RNASEH2B: variants seen among roughly 807,000 people sequenced by gnomAD.
The protein encoded by RNASEH2B is Aicardi-Goutieres syndrome 2 protein.
A neutral mutation model predicts 45.0 loss-of-function variants in RNASEH2B; 36 were observed. The ratio of observed to expected loss-of-function variants is 0.80; its 90% confidence interval spans 0.61 to 1.06. RNASEH2B has a LOEUF of 1.06. Ranked by LOEUF, RNASEH2B falls within the 50% of genes least tolerant of loss-of-function variation. RNASEH2B has a pLI of 0.00. For missense variants in RNASEH2B, 361 were observed against 360.3 expected, an observed-to-expected ratio of 1.00 and a Z score of -0.02; for synonymous variants, 119 against 125.7, an observed-to-expected ratio of 0.95 and a Z score of 0.35.
intron 6 of RNASEH2B, among the ~76,000 whole-genome samples, chr13:50,944,773 T>C (rs1036115987): frequency 2.0e-5 from 3 of 152,130 alleles, no homozygotes; most frequent in Admixed American, 6.5e-5. Flanking sequence ...TAGAGTGCCA[T>C]GTTTCATTTT....
rs1951707494 is a variant in RNASEH2B, at chr13:50,933,456, A to G, written c.322-1429A>G. Among the ~76,000 whole-genome samples, 2 of 152,232 alleles carry G rather than the reference A, an allele frequency of 1.3e-5. 1 individual carries two copies. Among genetic ancestry groups the G allele is most frequent in the South Asian group, 4.1e-4 (2 of 4,830 alleles). ...AGTGCCAAAAATGCCCTTTAAAGTAACATTTGAGATGTTTAGGTATTTCCT... is the reference window on the plus strand; with the variant it reads ...AGTGCCAAAAATGCCCTTTAAAGTAGCATTTGAGATGTTTAGGTATTTCCT... On this transcript the variant is annotated intron_variant, in intron 4 of 10. Coordinates refer to ENST00000336617, the MANE Select transcript of RNASEH2B (RefSeq NM_024570.4).
chr13:50,930,077 G>C (rs1157955767), intron 3 of RNASEH2B: 1 of 215,252 alleles, frequency 4.6e-6, no homozygotes. Context: ...TCTGTTTCTT[G>C]TGGTGTTCCC....
chr13:50,965,086 C>G (rs1952151852), intron 9 of RNASEH2B, among the ~76,000 whole-genome samples: 1 of 152,158 alleles, frequency 6.6e-6, no homozygotes, highest in Non-Finnish European at 1.5e-5. Flanking sequence ...GATGGTGGTC[C>G]CATGAGACTA....
chr13:50,916,488 A>G (rs1279099862), intron 1 of RNASEH2B, among the ~76,000 whole-genome samples: 1 of 152,216 alleles, frequency 6.6e-6, no homozygotes, highest in Non-Finnish European at 1.5e-5. Context: ...AAGAGGTGTA[A>G]TACTTATTGC....
chr13:50,931,564 G>C (rs2137941085), intron 4 of RNASEH2B, among the ~76,000 whole-genome samples: 1 of 152,218 alleles, frequency 6.6e-6, no homozygotes, highest in East Asian at 1.9e-4. Flanking sequence ...TTAACTAGAA[G>C]ACAACTGGAT....
At chr13:50,930,868 C>A in intron 4 of RNASEH2B, 109 bp downstream of exon 4, 1 of 862,278 alleles carries the variant, frequency 1.2e-6, no homozygotes, top group South Asian at 1.3e-5. Context: ...ACCTTCAGAT[C>A]TATTATAGTG....
At chr13:50,917,393 T>C (rs761639402) in intron 1 of RNASEH2B, among the ~76,000 whole-genome samples, 2 of 152,188 alleles carry the variant, frequency 1.3e-5, no homozygotes, top group African/African-American at 4.8e-5. Context: ...GGCTTGTATA[T>C]AGGTATAGCA....
In RNASEH2B at chr13:50,929,474, G is replaced by A; in HGVS notation, c.137-1G>A. On this transcript the variant is annotated splice_acceptor_variant, in intron 2 of 10. Transcript: ENST00000336617. LOFTEE classifies it high-confidence loss of function. ...AATAAAAGACAGATTTGTCTTAACA[G>A]GAGAAGGAGCCATTTACTTGTTCAA... 1 of 1,605,412 alleles carries A rather than the reference G, an allele frequency of 6.2e-7. No homozygotes were observed. The highest frequency in any genetic ancestry group is 8.5e-7 in the Non-Finnish European group (1 of 1,172,226).
chr13:50,966,644 C>G (rs1952167471), intron 9 of RNASEH2B, among the ~76,000 whole-genome samples: 1 of 152,148 alleles, frequency 6.6e-6, no homozygotes, highest in Admixed American at 6.5e-5. Context: ...CGGTTCTGCA[C>G]TGCCAAAGAG....
chr13:50,949,590 T>G, intron 9 of RNASEH2B, 85 bp downstream of exon 9: 1 of 1,248,724 alleles, frequency 8.0e-7, no homozygotes. Flanking sequence ...TTCTAATATA[T>G]TTTAAGGTGT....
At chr13:50,946,553 G>A (rs1187745255) in intron 7 of RNASEH2B, among the ~76,000 whole-genome samples, 1 of 152,074 alleles carries the variant, frequency 6.6e-6, no homozygotes, top group Non-Finnish European at 1.5e-5. Context: ...ATAGATAGGT[G>A]GGTGGATAGA....
chr13:50,941,067 ATCAT>A (rs1951827570), intron 5 of RNASEH2B: 2 of 152,244 alleles, frequency 1.3e-5, no homozygotes, highest in African/African-American at 4.8e-5. Flanking sequence ...ATTCATTCTG[ATCAT>A]TCAATAAGAA....
intron 1 of RNASEH2B, among the ~76,000 whole-genome samples, chr13:50,919,898 T>C (rs1197552335): frequency 2.0e-5 from 3 of 152,242 alleles, no homozygotes; most frequent in Admixed American, 6.5e-5. Flanking sequence ...TTAGCTGTTA[T>C]TTTTGATTTT....
At chr13:50,912,839 G>T (rs1340367976) in intron 1 of RNASEH2B, 1 of 152,190 alleles carries the variant, frequency 6.6e-6, no homozygotes, top group Admixed American at 6.5e-5. Context: ...ACTTTAAAGG[G>T]ATTTATCCGT....
At position 50,945,403 on chromosome 13, in the gene RNASEH2B, TTTCC is replaced by T. The variant is rs776365023; in HGVS notation, c.511-23_511-20del. 3 of 1,518,442 alleles carry T rather than the reference TTTCC, an allele frequency of 2.0e-6. No homozygotes were observed. Among genetic ancestry groups the T allele is most frequent in the Admixed American group, 3.3e-5 (2 of 59,894 alleles). The allele number at this position is 1,518,442 out of a possible 1,614,324, so 94.1% of individuals were successfully genotyped here. A position where few individuals can be genotyped will look rare whatever the true frequency, so the allele number is the denominator to read the frequency against. On this transcript the variant is annotated intron_variant, in intron 6 of 10. Coordinates refer to ENST00000336617, the MANE Select transcript of RNASEH2B (RefSeq NM_024570.4). ...AAAGTTAAGTTGAAAATACCCTGCC[TTTCC>T]CCTCTTGGTTGCTTCATAGGTTAAT... is the stretch of plus-strand genomic sequence containing the variant.
Position 50,934,924 on chromosome 13 carries a change from G to A in RNASEH2B, c.361G>A (p.Val121Met), listed in dbSNP as rs764980431. 10 of 1,613,916 alleles carry A rather than the reference G, an allele frequency of 6.2e-6. No individual in the cohort carries two copies. Among genetic ancestry groups the A allele is most frequent in the Non-Finnish European group, 8.5e-6 (10 of 1,179,856 alleles). The change falls in exon 5 of 11, where the codon GTG becomes ATG. Residue 121 changes from valine (V) to methionine (M), a missense_variant. Val to Met is a conservative substitution (Grantham distance 21, BLOSUM62 1). Coordinates refer to ENST00000336617, the MANE Select transcript of RNASEH2B (RefSeq NM_024570.4). The part of the protein sequence containing the change: ...QPLDQVVVDN[V>M]FPNCILLLKL... ...CCTTGATCAAGTTGTGGTGGATAAC[G>A]TGTTTCCAAATTGCATCTTGTTGCT...
chr13:50,934,421 C>T lies in RNASEH2B; in HGVS notation c.322-464C>T, dbSNP rs144635460. 78 of 156,668 alleles carry T rather than the reference C, an allele frequency of 5.0e-4. No homozygotes were observed. In the East Asian group the frequency reaches 0.013, roughly 26 times the overall value. The allele number at this position is 156,668 out of a possible 1,614,324, so 9.7% of individuals were successfully genotyped here. On this transcript the variant is annotated intron_variant, in intron 4 of 10. Coordinates refer to ENST00000336617, the MANE Select transcript of RNASEH2B (RefSeq NM_024570.4). ...TCACTTTTGTATTTTCTTTTTGTGG[C>T]GGGTGCTTCTTTCATCATCCCTAGA...
intron 10 of RNASEH2B, chr13:50,955,399 T>G (rs1304616453): frequency 6.6e-6 from 1 of 152,200 alleles, no homozygotes; most frequent in African/African-American, 2.4e-5. Context: ...CTGAGAGAAA[T>G]CTTTGTGCCC....
intron 1 of RNASEH2B, among the ~76,000 whole-genome samples, chr13:50,925,042 A>T (rs1424954775): frequency 1.3e-5 from 2 of 151,810 alleles, no homozygotes; most frequent in African/African-American, 4.8e-5. Context: ...ACATATATTA[A>T]AATGCATAAA....
Sources: gnomAD v4.1 joint callset for allele counts (sites outside exome capture counted in the v4.1 genomes callset) on GRCh38, gnomAD v4.1.1 for gene constraint, MANE v1.5 for transcripts, NCBI Gene and HGNC (gene_info 2026-07-23, HGNC 2026-07-21) for gene names.